OSBPL9: variants seen among roughly 807,000 people sequenced by gnomAD.
The protein encoded by OSBPL9 is oxysterol binding protein like 9.
A neutral mutation model predicts 106.6 loss-of-function variants in OSBPL9; 40 were observed. That is an observed-to-expected ratio of 0.38 (90% CI 0.29 to 0.49). The LOEUF (loss-of-function observed/expected upper bound fraction) is 0.49. Ranked by LOEUF, OSBPL9 falls within the 20% of genes least tolerant of loss-of-function variation. The pLI, the probability that OSBPL9 is intolerant of heterozygous loss-of-function variation, is 0.97. For synonymous variants in OSBPL9, 269 were observed against 295.4 expected, an observed-to-expected ratio of 0.91 and a Z score of 0.92; for missense variants, 609 against 887.2, an observed-to-expected ratio of 0.69 and a Z score of 3.98.
At chr1:51,686,048 C>G (rs2148814739) in intron 3 of OSBPL9, among the ~76,000 whole-genome samples, 1 of 152,072 alleles carries the variant, frequency 6.6e-6, no homozygotes, top group South Asian at 2.1e-4. Flanking sequence ...TGATTTAAAT[C>G]AAGTGGAGAT....
At chr1:51,683,674 T>C (rs1356037833) in intron 3 of OSBPL9, among the ~76,000 whole-genome samples, 1 of 151,830 alleles carries the variant, frequency 6.6e-6, no homozygotes, top group African/African-American at 2.4e-5. Context: ...ATGCCTGTAA[T>C]CGCAGCTACT....
chr1:51,544,579 C>T, the OSBPL9 span, among the ~76,000 whole-genome samples: 2 of 151,742 alleles, frequency 1.3e-5, no homozygotes, highest in Non-Finnish European at 2.9e-5. Context: ...TCTCTTAAGC[C>T]CATGGGTGTG....
chr1:51,585,215 AC>A (rs1645240882), intron 1 of OSBPL9, among the ~76,000 whole-genome samples: 1 of 149,968 alleles, frequency 6.7e-6, no homozygotes, highest in Non-Finnish European at 1.5e-5. Context: ...AACTTATTGG[AC>A]TTGTGGAAGG....
At chr1:51,620,467 A>C (rs1349500404) in intron 1 of OSBPL9, among the ~76,000 whole-genome samples, 1 of 152,152 alleles carries the variant, frequency 6.6e-6, no homozygotes. Context: ...GAGGAAGCAC[A>C]GGGGGATACA....
chr1:51,539,836 T>C, the OSBPL9 span, among the ~76,000 whole-genome samples: 2 of 152,206 alleles, frequency 1.3e-5, no homozygotes, highest in African/African-American at 2.4e-5. Context: ...GCATCAAATA[T>C]TTGATGGCTT....
intron 4 of OSBPL9, among the ~76,000 whole-genome samples, chr1:51,723,618 C>T (rs2148918085): frequency 6.6e-6 from 1 of 152,074 alleles, no homozygotes; most frequent in South Asian, 2.1e-4. Context: ...CCAATCATAG[C>T]TCATTGCAGC....
chr1:51,746,167 C>T (rs1667938122), intron 5 of OSBPL9, among the ~76,000 whole-genome samples: 1 of 152,202 alleles, frequency 6.6e-6, no homozygotes, highest in African/African-American at 2.4e-5. Context: ...TGGTCTCGAA[C>T]TCCTGACCTT....
intron 2 of OSBPL9, among the ~76,000 whole-genome samples, chr1:51,604,979 T>C (rs1643935463): frequency 6.6e-6 from 1 of 152,204 alleles, no homozygotes; most frequent in Non-Finnish European, 1.5e-5. Flanking sequence ...AAATAAAGTT[T>C]TATTGGAACA....
At chr1:51,635,971 A>G (rs973707544) in intron 1 of OSBPL9, among the ~76,000 whole-genome samples, 16 of 151,866 alleles carry the variant, frequency 1.1e-4, no homozygotes, top group Non-Finnish European at 1.8e-4. Context: ...TAGTGTAAAT[A>G]TTTGTTTGTT....
At chr1:51,726,251 T>G (rs532211078) in intron 4 of OSBPL9, among the ~76,000 whole-genome samples, 10 of 152,324 alleles carry the variant, frequency 6.6e-5, no homozygotes, top group African/African-American at 2.4e-4. Flanking sequence ...GTCATCAGTT[T>G]TCCCTGTGAC....
chr1:51,745,745 G>C lies in OSBPL9; in HGVS notation c.414+114G>C, dbSNP rs995742650. The C allele has an allele frequency of 3.1e-6, 4 of 1,283,764 alleles. No individual in the cohort carries two copies. In the African/African-American group the frequency reaches 4.6e-5, roughly 15 times the overall value. The allele number at this position is 1,283,764 out of a possible 1,614,324, so 79.5% of individuals were successfully genotyped here. A position where few individuals can be genotyped will look rare whatever the true frequency, so the allele number is the denominator to read the frequency against. On this transcript the variant is annotated intron_variant, in intron 5 of 23. Coordinates refer to ENST00000428468, the MANE Select transcript of OSBPL9 (RefSeq NM_024586.6). ...TTTACAGCCCTCATGTGGTTCTTCA[G>C]CAGTTTTTAAAGCAGACTTAAAAGA...
intron 1 of OSBPL9, among the ~76,000 whole-genome samples, chr1:51,633,728 C>T (rs1645252965): frequency 1.3e-5 from 2 of 152,130 alleles, no homozygotes; most frequent in African/African-American, 4.8e-5. Context: ...CTCAAGCAGT[C>T]TTCTTACTTA....
At chr1:51,567,588 C>T in the OSBPL9 span, 2 of 152,164 alleles carry the variant, frequency 1.3e-5, no homozygotes, top group Admixed American at 1.3e-4. Context: ...ATCAACTGCT[C>T]CTTGATGAAA....
chr1:51,742,869 A>T (rs1026443047), intron 4 of OSBPL9, among the ~76,000 whole-genome samples: 3 of 152,260 alleles, frequency 2.0e-5, no homozygotes, highest in Non-Finnish European at 4.4e-5. Context: ...ATTCTACATT[A>T]GGAAGTAGTG....
chr1:51,662,206 G>A (rs987715008), intron 2 of OSBPL9, among the ~76,000 whole-genome samples: 8 of 152,184 alleles, frequency 5.3e-5, no homozygotes, highest in African/African-American at 1.4e-4. Context: ...GAATGAGAGA[G>A]GCTGGCCAAT....
At chr1:51,686,790 C>A (rs1653904097) in intron 3 of OSBPL9, among the ~76,000 whole-genome samples, 1 of 152,158 alleles carries the variant, frequency 6.6e-6, no homozygotes, top group African/African-American at 2.4e-5. Context: ...TAACCTGTAC[C>A]CAATTTAATT....
rs533460539 is a variant in OSBPL9 at position 51,652,860 on chromosome 1, T to C, written c.162+819T>C. Among the ~76,000 whole-genome samples, 7 of 152,372 alleles carry C rather than the reference T, an allele frequency of 4.6e-5. No homozygotes were observed. The South Asian group carries it at 1.4e-3, about 32-fold the overall frequency. On this transcript the variant is annotated intron_variant, in intron 2 of 23. Transcript: ENST00000428468. ...GCAGTTTCTAGTATCCCATTGTATA[T>C]GAAGAAAAGTGGCCTCTATCATAAC...
At chr1:51,588,100 C>T (rs372517620) in intron 1 of OSBPL9, among the ~76,000 whole-genome samples, 20 of 152,202 alleles carry the variant, frequency 1.3e-4, no homozygotes, top group East Asian at 7.7e-4. Context: ...GAAAAAAATT[C>T]GGCCAAGCAT....
At chr1:51,658,677 G>C in intron 2 of OSBPL9, among the ~76,000 whole-genome samples, 1 of 151,972 alleles carries the variant, frequency 6.6e-6, no homozygotes, top group East Asian at 1.9e-4. Flanking sequence ...GGTCGGTGGT[G>C]CACCATGACA....
Sources: gnomAD v4.1 joint callset for allele counts (sites outside exome capture counted in the v4.1 genomes callset) on GRCh38, gnomAD v4.1.1 for gene constraint, MANE v1.5 for transcripts, NCBI Gene and HGNC (gene_info 2026-07-23, HGNC 2026-07-21) for gene names.